Variants in SV2A observed in about 807,000 individuals in gnomAD.
The protein encoded by SV2A is synaptic vesicle glycoprotein 2A, also known as solute carrier family 22 member B1.
In SV2A, 25 loss-of-function variants were observed where a neutral mutation model predicts 78.0. The ratio of observed to expected loss-of-function variants is 0.32; its 90% CI spans 0.23 to 0.45. The LOEUF is 0.45. Among genes scored for constraint, SV2A ranks in the 20% least tolerant of loss-of-function variants. SV2A has a pLI of 1.00. For missense variants in SV2A, 752 were observed against 971.5 expected (o/e 0.77, Z 3.00); for synonymous variants, 355 against 384.7 (o/e 0.92, Z 0.90).
rs2092467870 is a variant in SV2A at position 149,910,380 on chromosome 1, C to A, written c.1089+190G>T. Among the ~76,000 whole-genome samples, 1 of 152,176 alleles carries A rather than the reference C, an allele frequency of 6.6e-6. No individual in the cohort carries two copies. The highest frequency in any genetic ancestry group is 2.4e-5 in the African/African-American group (1 of 41,436). On this transcript the variant is annotated intron_variant, in intron 5 of 12. Coordinates refer to ENST00000369146, the MANE Select transcript of SV2A (RefSeq NM_014849.5). This position sits in a 1 kb window ranked among gnomAD's most constrained non-coding sequence, Gnocchi z 4.2. The stretch of plus-strand genomic sequence containing the variant: ...TCCCCTGGTTTCTCCACCCAAGAAC[C>A]CCTCAGGGACACATTCCAAGGCAAA...
chr1:149,905,670 T>C (rs2092432820), intron 12 of SV2A: 2 of 591,968 alleles, frequency 3.4e-6, no homozygotes. Context: ...CTCAAACTCC[T>C]GACCTCAGGT....
In SV2A at chr1:149,911,986, A is replaced by G. The variant is rs781963364; in HGVS notation, c.623-6T>C. 1 of 1,612,360 alleles carries G rather than the reference A, an allele frequency of 6.2e-7. No homozygotes were observed. Among genetic ancestry groups the G allele is most frequent in the Non-Finnish European group, 8.5e-7 (1 of 1,178,910 alleles). ...GCCCAGGTAGACGATGAGGCCTGGAAGGAGGAGGAAAACAGGCAGAGGGGG... is the reference window on the plus strand; with the variant it reads ...GCCCAGGTAGACGATGAGGCCTGGAGGGAGGAGGAAAACAGGCAGAGGGGG... On this transcript the variant is annotated splice_polypyrimidine_tract_variant and splice_region_variant and intron_variant, in intron 2 of 12. Coordinates refer to ENST00000369146, the MANE Select transcript of SV2A (RefSeq NM_014849.5).
Position 149,905,167 on chromosome 1 carries a change from C to G in SV2A, c.2076G>C (p.Leu692=). The G allele has an allele frequency of 6.2e-7, 1 of 1,610,766 alleles. No homozygotes were observed. Among genetic ancestry groups the G allele is most frequent in the Non-Finnish European group, 8.5e-7 (1 of 1,178,562 alleles). The change falls in exon 13 of 13, where the codon CTG becomes CTC. Residue 692 remains leucine, a synonymous_variant. Transcript: ENST00000369146. ...RTTAFGFLNA[L]CKLAAVLGIS... is the part of the protein sequence containing the mutation. The stretch of plus-strand genomic sequence containing the variant: ...TCCCCAGCACAGCTGCCAGCTTACA[C>G]AGGGCATTCAGGAAGCCAAAAGCTG...
At chr1:149,912,410 T>G (rs1230724705) in intron 2 of SV2A, among the ~76,000 whole-genome samples, 2 of 152,144 alleles carry the variant, frequency 1.3e-5, no homozygotes, top group African/African-American at 4.8e-5. Flanking sequence ...CCAATTCATT[T>G]CATCTTCCCA....
rs2092415554 is a variant in SV2A at position 149,903,831 on chromosome 1, A to T, written c.*1183T>A. On this transcript the variant is annotated 3_prime_UTR_variant, in exon 13 of 13. Coordinates refer to ENST00000369146, the MANE Select transcript of SV2A (RefSeq NM_014849.5). ...TAACCTACAGAGGCTATTGTGTGGA[A>T]GGGTAAAATGGGGAAACTGAGGCTT... 1 of 152,582 alleles carries T rather than the reference A, an allele frequency of 6.6e-6. No homozygotes were observed. The highest frequency in any genetic ancestry group is 6.5e-5 in the Admixed American group (1 of 15,280). 9.5% of individuals were successfully genotyped at this position (152,582 alleles called of 1,614,324 possible).
intron 8 of SV2A, 34 bp downstream of exon 8, chr1:149,909,158 C>T (rs782189751): frequency 6.2e-7 from 1 of 1,601,154 alleles, no homozygotes; most frequent in Non-Finnish European, 8.6e-7. Context: ...CCACCACAAC[C>T]ACCACACATC....
intron 12 of SV2A, 111 bp from the exon 13 acceptor site, chr1:149,905,308 G>A: frequency 1.1e-6 from 1 of 935,976 alleles, no homozygotes; most frequent in Non-Finnish European, 1.6e-6. Context: ...GTCCAAGAGG[G>A]AGAGAGAAGG....
At chr1:149,911,259 G>T (rs72708162) in intron 3 of SV2A, among the ~76,000 whole-genome samples, 7,046 of 152,256 alleles carry the variant, frequency 0.046, 214 homozygotes, top group Non-Finnish European at 0.073. Flanking sequence ...GCAGAAAAGA[G>T]AATAAATCTC....
chr1:149,905,704 A>C, intron 12 of SV2A, 176 bp downstream of exon 12: 1 of 849,752 alleles, frequency 1.2e-6, no homozygotes, highest in Non-Finnish European at 1.8e-6. Flanking sequence ...CGGCCTCCCA[A>C]AGCACTGGGA....
At chr1:149,909,701 C>T (rs979812177) in intron 6 of SV2A, 100 bp downstream of exon 6, 86 of 1,464,764 alleles carry the variant, frequency 5.9e-5, no homozygotes, top group South Asian at 6.9e-5. Flanking sequence ...AATCTCCTTA[C>T]GGTAGAGTGT....
chr1:149,907,559 CTA>C (rs782467337), intron 10 of SV2A, 139 bp downstream of exon 10: 34 of 932,552 alleles, frequency 3.6e-5, no homozygotes, highest in Non-Finnish European at 4.7e-5. Context: ...TTGGTGGTAG[CTA>C]TCAGGCCCCT....
chr1:149,909,647 G>T, intron 6 of SV2A, 76 bp from the exon 7 acceptor site: 2 of 1,483,218 alleles, frequency 1.3e-6, no homozygotes, highest in Non-Finnish European at 1.9e-6. Flanking sequence ...AGTTTCCCCT[G>T]CATTAGCAAA....
intron 8 of SV2A, among the ~76,000 whole-genome samples, chr1:149,908,706 C>T (rs1052264499): frequency 6.6e-6 from 1 of 152,110 alleles, no homozygotes; most frequent in Non-Finnish European, 1.5e-5. Context: ...GGCGCGATCT[C>T]GACTCACTGC....
chr1:149,909,111 C>T, intron 8 of SV2A, 81 bp downstream of exon 8: 4 of 1,378,376 alleles, frequency 2.9e-6, no homozygotes, highest in Non-Finnish European at 4.1e-6. Context: ...TTGTCCCCTG[C>T]ATCTCCATTC....
In SV2A at chr1:149,907,084, C is replaced by T. The variant is rs1281735719; in HGVS notation, c.1679-228G>A. ...AACAGTGTGACTTTGTCCAAGTTCT[C>T]CCATTAATAGTCTTAGCTGCTTATT... On this transcript the variant is annotated intron_variant, in intron 10 of 12. Transcript: ENST00000369146. The T allele has an allele frequency of 4.3e-6, 3 of 698,092 alleles. No homozygotes were observed. In the African/African-American group the frequency reaches 5.8e-5, roughly 14 times the overall value. The allele number at this position is 698,092 out of a possible 1,614,324, so 43.2% of individuals were successfully genotyped here.
Position 149,913,507 on chromosome 1 carries a change from G to T in SV2A, c.334C>A (p.Arg112=). ...GCCAGGGGCGCCCCATCTGCCATCC[G>T]CTCGCCTTTGCCCCCAGACTCTGCC... ...PRAESGGKGE[R]MADGAPLAGV... Residue 112 remains arginine (R), a synonymous_variant, in exon 2 of 13, where the codon CGG becomes AGG. Transcript: ENST00000369146. 6.2e-7 allele frequency: 1 copy of T among 1,607,570 alleles called. No homozygotes were observed. The highest frequency in any genetic ancestry group is 8.5e-7 in the Non-Finnish European group (1 of 1,178,690).
chr1:149,909,358 C>T, intron 7 of SV2A, 78 bp from the exon 8 acceptor site: 1 of 1,561,994 alleles, frequency 6.4e-7, no homozygotes, highest in Non-Finnish European at 8.8e-7. Flanking sequence ...TCTGCCCTCC[C>T]ACCTCCCTTC....
intron 11 of SV2A, 140 bp from the exon 12 acceptor site, chr1:149,906,179 G>T: frequency 1.0e-6 from 1 of 981,402 alleles, no homozygotes; most frequent in Non-Finnish European, 1.5e-6. Context: ...TATCCAAAAG[G>T]AAGGCTTTTC....
At position 149,903,714 on chromosome 1, in the gene SV2A, A is replaced by G. The variant is rs1450900611; in HGVS notation, c.*1300T>C. ...ACATTTTTTTAAACATTTTACAAAC[A>G]TCTAAAAACTACAACACGTCACAGC... On this transcript the variant is annotated 3_prime_UTR_variant, in exon 13 of 13. Coordinates refer to ENST00000369146, the MANE Select transcript of SV2A (RefSeq NM_014849.5). The G allele has an allele frequency of 5.9e-5, 9 of 152,490 alleles. No individual in the cohort carries two copies. Among genetic ancestry groups the G allele is most frequent in the African/African-American group, 1.9e-4 (8 of 41,424 alleles). The allele number at this position is 152,490 out of a possible 1,614,324, so 9.4% of individuals were successfully genotyped here. A position where few individuals can be genotyped will look rare whatever the true frequency, so the allele number is the denominator to read the frequency against.
Sources: gnomAD v4.1 joint callset for allele counts (sites outside exome capture counted in the v4.1 genomes callset) on GRCh38, gnomAD v4.1.1 for gene constraint, Gnocchi (gnomAD v3.1) non-coding constraint, MANE v1.5 for transcripts, NCBI Gene and HGNC (gene_info 2026-07-23, HGNC 2026-07-21) for gene names.